Variants in SOX7 observed in about 807,000 individuals in gnomAD.
SOX7 encodes transcription factor SOX-7.
Under a neutral mutation model 24.9 loss-of-function variants are expected in SOX7, and 19 were observed. That is an observed-to-expected ratio of 0.76 (90% CI 0.53 to 1.12). SOX7 has a LOEUF of 1.12. Among genes scored for constraint, SOX7 ranks in the 50% most tolerant of loss-of-function variants. SOX7 has a pLI of 0.00. For missense variants in SOX7, 702 were observed against 535.0 expected (o/e 1.31, Z -3.08); for synonymous variants, 327 against 244.5 (o/e 1.34, Z -3.15).
rs760271237 is a variant in SOX7, at chr8:10,730,230, C to A, written c.204G>T (p.Pro68=). Residue 68 remains proline (P), a synonymous_variant, in exon 1 of 2, where the codon CCG becomes CCT. Transcript: ENST00000304501. The surrounding 1 kb of genome is among the most constrained non-coding windows in gnomAD (Gnocchi z 4.8). ...DERKRLAVQN[P]DLHNAELSKM... ...TGCTGAGCTCGGCGTTGTGCAGGTCCGGGTTCTGCACTGCCAGCCGTTTCC... is the reference window on the plus strand; with the variant it reads ...TGCTGAGCTCGGCGTTGTGCAGGTCAGGGTTCTGCACTGCCAGCCGTTTCC... The A allele has an allele frequency of 1.9e-6, 3 of 1,562,344 alleles. No individual in the cohort carries two copies. Among genetic ancestry groups the A allele is most frequent in the Non-Finnish European group, 2.6e-6 (3 of 1,156,962 alleles).
chr8:10,726,757 C>A, intron 1 of SOX7, 91 bp from the exon 2 acceptor site: 1 of 1,161,784 alleles, frequency 8.6e-7, no homozygotes, highest in Non-Finnish European at 1.2e-6. Context: ...TGCACATGCA[C>A]ACACACCTCC....
In SOX7 at chr8:10,726,185, G is replaced by T. The variant is rs1391989031; in HGVS notation, c.720C>A (p.His240Gln). 1 of 1,611,900 alleles carries T rather than the reference G, an allele frequency of 6.2e-7. No homozygotes were observed. Among genetic ancestry groups the T allele is most frequent in the Non-Finnish European group, 8.5e-7 (1 of 1,179,030 alleles). The change falls in exon 2 of 2, where the codon CAC becomes CAA. Residue 240 changes from histidine (H) to glutamine (Q), a missense_variant. By Grantham distance (24) the His-to-Gln change is conservative. Transcript: ENST00000304501. ...HPRRIPHLPG[H>Q]PYSPEYAPSP... ...TTGGGGCGTACTCCGGTGAGTACGG[G>T]TGCCCTGGCAGGTGGGGGATGCGGC...
At chr8:10,729,684 A>C (rs957851277) in intron 1 of SOX7, 1 of 152,298 alleles carries the variant, frequency 6.6e-6, no homozygotes, top group Non-Finnish European at 1.5e-5. Context: ...TAAAGCAAGG[A>C]TTCGTTCCTC....
chr8:10,726,852 C>A (rs1210901082), intron 1 of SOX7, among the ~76,000 whole-genome samples, 186 bp from the exon 2 acceptor site: 3 of 152,198 alleles, frequency 2.0e-5, no homozygotes, highest in African/African-American at 7.2e-5. Flanking sequence ...GAAGCGAAAT[C>A]AACCCCTCTG....
intron 1 of SOX7, chr8:10,729,269 A>G (rs1379041723): frequency 6.6e-6 from 1 of 152,220 alleles, no homozygotes; most frequent in Non-Finnish European, 1.5e-5. Flanking sequence ...GGGGTTTGGG[A>G]AGGGTAGAGC....
In SOX7 at chr8:10,726,576, G is replaced by C; in HGVS notation, c.329C>G (p.Pro110Arg). 1.2e-6 allele frequency: 2 copies of C among 1,611,262 alleles called. No homozygotes were observed. The highest frequency in any genetic ancestry group is 1.7e-6 in the Non-Finnish European group (2 of 1,179,944). Residue 110 changes from proline to arginine, a missense_variant, in exon 2 of 2, where the codon CCC (proline) becomes CGC (arginine). Coordinates refer to ENST00000304501, the MANE Select transcript of SOX7 (RefSeq NM_031439.4). ...CCTGCGCGGCCGGTACTTGTAGTTG[G>C]GGTAGTCCTGCATGTGCTGCAGGCG... ...RLRLQHMQDYPNYKYRPRRKK... is the reference protein window; with the variant it reads ...RLRLQHMQDYRNYKYRPRRKK...
Position 10,726,498 on chromosome 8 carries a change from C to G in SOX7, c.407G>C (p.Ser136Thr), listed in dbSNP as rs571421881. ...GGCGTTCTGGTCCCGGGAGAGGGAG[C>G]TCAGAAGGAAGCCCGGGTCCACGCG... ...CKRVDPGFLL[S>T]SLSRDQNALP... The change falls in exon 2 of 2, where the codon AGC (serine) becomes ACC (threonine). Residue 136 changes from serine (S) to threonine (T), a missense_variant. Transcript: ENST00000304501. 4 of 1,612,480 alleles carry G rather than the reference C, an allele frequency of 2.5e-6. No homozygotes were observed. The Admixed American group carries it at 6.7e-5, about 27-fold the overall frequency.
intron 1 of SOX7, chr8:10,729,235 G>C (rs1337624024): frequency 1.3e-5 from 2 of 152,246 alleles, no homozygotes; most frequent in East Asian, 3.9e-4. Context: ...ACGAAAAAAG[G>C]AAGGGCTCTG....
rs1586079678 is a variant in SOX7, at chr8:10,725,237, G to A, written c.*501C>T. On this transcript the variant is annotated 3_prime_UTR_variant, in exon 2 of 2. Transcript: ENST00000304501. ...AAATTTTGTGGTCACTTTGGAAGGG[G>A]GTGCAGAAAGTGCAGAAAGCCTCGT... is the stretch of plus-strand genomic sequence containing the variant. 1 of 158,098 alleles carries A rather than the reference G, an allele frequency of 6.3e-6. No homozygotes were observed. Among genetic ancestry groups the A allele is most frequent in the South Asian group, 1.9e-4 (1 of 5,286 alleles). The allele number at this position is 158,098 out of a possible 1,614,324, so 9.8% of individuals were successfully genotyped here.
At position 10,724,305 on chromosome 8, in the gene SOX7, C is replaced by G. The variant is rs1445030719; in HGVS notation, c.*1433G>C. The G allele has an allele frequency of 6.6e-6, 1 of 152,172 alleles. No individual in the cohort carries two copies. The allele number at this position is 152,172 out of a possible 1,614,324, so 9.4% of individuals were successfully genotyped here. A position where few individuals can be genotyped will look rare whatever the true frequency, so the allele number is the denominator to read the frequency against. On this transcript the variant is annotated 3_prime_UTR_variant, in exon 2 of 2. Transcript: ENST00000304501. ...GTTGCTCTAAAGCACTGGCTGAGGA[C>G]TTTGCCTGAGGACCTGGCTGGTGAG...
In SOX7 at chr8:10,730,308, C is replaced by G; in HGVS notation, c.126G>C (p.Glu42Asp). 6.3e-7 allele frequency: 1 copy of G among 1,578,154 alleles called. No homozygotes were observed. The highest frequency in any genetic ancestry group is 8.6e-7 in the Non-Finnish European group (1 of 1,164,522). The change falls in exon 1 of 2, where the codon GAG (glutamate) becomes GAC (aspartate). Residue 42 changes from glutamate (E) to aspartate (D), a missense_variant. Transcript: ENST00000304501. This position sits in a 1 kb window ranked among gnomAD's most constrained non-coding sequence, Gnocchi z 4.8. ...VPRPPGDKGS[E>D]SRIRRPMNAF... ...CGTTCATGGGCCGCCGGATACGGCT[C>G]TCGGAGCCCTTGTCCCCCGGGGGCC...
Position 10,730,094 on chromosome 8 carries a change from C to T in SOX7, c.238+102G>A. On this transcript the variant is annotated intron_variant, in intron 1 of 1. Transcript: ENST00000304501. This position sits in a 1 kb window ranked among gnomAD's most constrained non-coding sequence, Gnocchi z 4.8. ...CGAAGAGGGCCCTCGTCCCGCGTGCCGGGTCTTCCCCAGGCTCCGCGCTCG... is the reference window on the plus strand; with the variant it reads ...CGAAGAGGGCCCTCGTCCCGCGTGCTGGGTCTTCCCCAGGCTCCGCGCTCG... 1 of 846,560 alleles carries T rather than the reference C, an allele frequency of 1.2e-6. No individual in the cohort carries two copies. Among genetic ancestry groups the T allele is most frequent in the Non-Finnish European group, 1.6e-6 (1 of 627,680 alleles). 52.4% of individuals were successfully genotyped at this position (846,560 alleles called of 1,614,324 possible).
chr8:10,725,670 G>T lies in SOX7; in HGVS notation c.*68C>A. On this transcript the variant is annotated 3_prime_UTR_variant, in exon 2 of 2. Transcript: ENST00000304501. ...GGAGGAAAGCTGGTGTGGCTGGACG[G>T]CTCCTCTGCCACTCAAGGCACAAGA... 6.5e-7 allele frequency: 1 copy of T among 1,543,886 alleles called. No homozygotes were observed. The highest frequency in any genetic ancestry group is 1.1e-5 in the South Asian group (1 of 87,994).
intron 1 of SOX7, among the ~76,000 whole-genome samples, chr8:10,729,959 G>A (rs1800227745): frequency 6.6e-6 from 1 of 152,078 alleles, no homozygotes; most frequent in Non-Finnish European, 1.5e-5. Context: ...CAGCAGAGGA[G>A]CCTCCCTGCC....
chr8:10,727,757 C>A (rs1436692841), intron 1 of SOX7, among the ~76,000 whole-genome samples: 1 of 152,214 alleles, frequency 6.6e-6, no homozygotes, highest in Non-Finnish European at 1.5e-5. Context: ...GATTCTACAA[C>A]TTTAACATGT....
At chr8:10,726,687 A>C in intron 1 of SOX7, 21 bp from the exon 2 acceptor site, 2 of 1,547,848 alleles carry the variant, frequency 1.3e-6, no homozygotes, top group Non-Finnish European at 8.7e-7. Flanking sequence ...AAGGCAGAGG[A>C]GGCCATGCTC....
rs1800111801 is a variant in SOX7, at chr8:10,724,946, T to G, written c.*792A>C. 1 of 152,198 alleles carries G rather than the reference T, an allele frequency of 6.6e-6. No homozygotes were observed. The highest frequency in any genetic ancestry group is 1.5e-5 in the Non-Finnish European group (1 of 68,090). The allele number at this position is 152,198 out of a possible 1,614,324, so 9.4% of individuals were successfully genotyped here. A position where few individuals can be genotyped will look rare whatever the true frequency, so the allele number is the denominator to read the frequency against. ...CATGTTGTCTAGGCTGGTCTCAAAC[T>G]CCTGACCTCAGGTGATCCACATGCC... On this transcript the variant is annotated 3_prime_UTR_variant, in exon 2 of 2. Coordinates refer to ENST00000304501, the MANE Select transcript of SOX7 (RefSeq NM_031439.4).
At chr8:10,728,005 T>C (rs1303665213) in intron 1 of SOX7, among the ~76,000 whole-genome samples, 1 of 152,214 alleles carries the variant, frequency 6.6e-6, no homozygotes, top group Non-Finnish European at 1.5e-5. Context: ...AGAAATTCCA[T>C]GGAGCTTTCA....
intron 1 of SOX7, 106 bp from the exon 2 acceptor site, chr8:10,726,772 C>G (rs983591133): frequency 9.7e-7 from 1 of 1,027,944 alleles, no homozygotes; most frequent in African/African-American, 1.6e-5. Flanking sequence ...ACCTCCCTTC[C>G]CCCTCCCAGC....
Sources: allele counts gnomAD v4.1 joint callset (sites outside exome capture counted in the v4.1 genomes callset), GRCh38; gene constraint gnomAD v4.1.1; non-coding constraint Gnocchi (gnomAD v3.1); transcripts MANE v1.5; gene names NCBI Gene and HGNC (gene_info 2026-07-23, HGNC 2026-07-21).